DIPK1A: variants seen among roughly 807,000 people sequenced by gnomAD.
DIPK1A encodes the protein divergent protein kinase domain 1A.
Under a neutral mutation model 40.8 loss-of-function variants are expected in DIPK1A, and 27 were observed. The observed-to-expected ratio is 0.66, with a 90% CI of 0.49 to 0.91. The LOEUF is 0.91. Ranked by LOEUF, DIPK1A falls within the 40% of genes least tolerant of loss-of-function variation. DIPK1A has a pLI of 0.00. For synonymous variants in DIPK1A, 166 were observed against 171.3 expected, an observed-to-expected ratio of 0.97 and a Z score of 0.24; for missense variants, 412 against 505.7, an observed-to-expected ratio of 0.81 and a Z score of 1.78.
chr1:92,960,784 G>T (rs945630), intron 1 of DIPK1A, among the ~76,000 whole-genome samples: 21,621 of 152,184 alleles, frequency 0.14, 1,839 homozygotes, highest in South Asian at 0.24. Context: ...TTTAAATCTT[G>T]GGTGTGATGG....
chr1:92,932,639 ATT>A (rs1650797672), intron 1 of DIPK1A: 1 of 152,162 alleles, frequency 6.6e-6, no homozygotes, highest in African/African-American at 2.4e-5. Context: ...TTAGAAAATT[ATT>A]TGTCAGACAT....
chr1:92,876,267 T>C (rs1293786383), intron 2 of DIPK1A, 29 bp downstream of exon 2: 20 of 1,415,080 alleles, frequency 1.4e-5, no homozygotes, highest in Middle Eastern at 3.9e-4. Flanking sequence ...AAGAGGCTTT[T>C]TAGTAAACAG....
intron 4 of DIPK1A, chr1:92,834,864 T>C (rs553146536): frequency 3.1e-6 from 5 of 1,605,864 alleles, no homozygotes; most frequent in South Asian, 1.1e-5. Flanking sequence ...AAGGTTGGCC[T>C]GACAAATTAT....
intron 1 of DIPK1A, among the ~76,000 whole-genome samples, chr1:92,885,563 C>G (rs554449166): frequency 1.3e-5 from 2 of 152,182 alleles, no homozygotes; most frequent in Non-Finnish European, 2.9e-5. Flanking sequence ...GCCATGTTGG[C>G]CAGGTTGGTC....
chr1:92,938,206 C>T (rs1651016188), intron 1 of DIPK1A, among the ~76,000 whole-genome samples: 1 of 151,572 alleles, frequency 6.6e-6, no homozygotes, highest in Admixed American at 6.6e-5. Context: ...TGGTGGTGCA[C>T]ACCTGTAGTC....
At chr1:92,927,137 C>T (rs1236485169) in intron 1 of DIPK1A, among the ~76,000 whole-genome samples, 1 of 152,066 alleles carries the variant, frequency 6.6e-6, no homozygotes, top group African/African-American at 2.4e-5. Context: ...AAATATAACT[C>T]ATATACCATA....
intron 4 of DIPK1A, chr1:92,846,688 G>GCA: frequency 9.2e-6 from 3 of 325,184 alleles, no homozygotes; most frequent in Non-Finnish European, 1.8e-5. Context: ...GAGTGCAGTG[G>GCA]TGAGATCTTG....
chr1:92,955,285 C>T (rs2100920721), intron 1 of DIPK1A, among the ~76,000 whole-genome samples: 1 of 152,284 alleles, frequency 6.6e-6, no homozygotes, highest in South Asian at 2.1e-4. Flanking sequence ...TTTATCCAAA[C>T]ACACTGAATG....
At chr1:92,918,851 A>C (rs867675753) in intron 1 of DIPK1A, among the ~76,000 whole-genome samples, 6 of 152,180 alleles carry the variant, frequency 3.9e-5, no homozygotes, top group African/African-American at 1.4e-4. Flanking sequence ...TTAGATTTTC[A>C]TAAGAAGGGG....
chr1:92,853,000 C>A (rs911101878), intron 2 of DIPK1A, among the ~76,000 whole-genome samples: 1 of 152,100 alleles, frequency 6.6e-6, no homozygotes. Flanking sequence ...CAAGATCACA[C>A]GACTGTACTC....
chr1:92,935,206 C>T (rs1303575858), intron 1 of DIPK1A, among the ~76,000 whole-genome samples: 2 of 152,172 alleles, frequency 1.3e-5, no homozygotes, highest in Non-Finnish European at 2.9e-5. Flanking sequence ...TATTGAGCAA[C>T]ACTACTGTCT....
intron 1 of DIPK1A, among the ~76,000 whole-genome samples, chr1:92,947,553 T>C (rs1209282200): frequency 6.6e-6 from 1 of 152,168 alleles, no homozygotes; most frequent in South Asian, 2.1e-4. Flanking sequence ...TCAAAAAAAC[T>C]ACAAACAGAA....
chr1:92,913,374 T>G (rs969705243), intron 1 of DIPK1A, among the ~76,000 whole-genome samples: 4 of 129,924 alleles, frequency 3.1e-5, no homozygotes, highest in Admixed American at 7.6e-5. Context: ...TACCATGATG[T>G]GAAAAAAAAA....
At chr1:92,851,562 A>AAAAAAAAAAC (rs1687826700) in intron 2 of DIPK1A, among the ~76,000 whole-genome samples, 2 of 92,734 alleles carry the variant, frequency 2.2e-5, no homozygotes, top group Non-Finnish European at 4.7e-5. Context: ...AAAAAAAAAA[A>AAAAAAAAAAC]CTTCTGGTTT....
chr1:92,912,310 C>T (rs920903780), intron 1 of DIPK1A, among the ~76,000 whole-genome samples: 1 of 152,050 alleles, frequency 6.6e-6, no homozygotes, highest in African/African-American at 2.4e-5. Context: ...CACAGACTAA[C>T]TTAACACTAA....
chr1:92,877,585 A>G (rs1648185211), intron 1 of DIPK1A, among the ~76,000 whole-genome samples: 1 of 152,214 alleles, frequency 6.6e-6, no homozygotes, highest in African/African-American at 2.4e-5. Context: ...TATCTTTGTG[A>G]GGTTAACAGA....
chr1:92,894,954 A>G (rs9439940), intron 1 of DIPK1A, among the ~76,000 whole-genome samples: 103,809 of 151,714 alleles, frequency 0.68, 36,100 homozygotes, highest in East Asian at 0.95. Context: ...ACTAAACCAG[A>G]AAGAAGTTGA....
At position 92,842,643 on chromosome 1, in the gene DIPK1A, G is replaced by T; in HGVS notation, c.*740C>A. The T allele has an allele frequency of 1.0e-6, 1 of 985,322 alleles. No homozygotes were observed. The highest frequency in any genetic ancestry group is 1.2e-6 in the Non-Finnish European group (1 of 829,850). The allele number at this position is 985,322 out of a possible 1,614,324, so 61.0% of individuals were successfully genotyped here. On this transcript the variant is annotated 3_prime_UTR_variant, in exon 5 of 5. Transcript: ENST00000370310. The stretch of plus-strand genomic sequence containing the variant: ...CCACTTTCACATAGTTCAAAATCAG[G>T]ATATGTGGATCTTGATTGGGCCTTA...
chr1:92,862,859 A>G (rs1273694699), intron 2 of DIPK1A, among the ~76,000 whole-genome samples: 2 of 152,154 alleles, frequency 1.3e-5, no homozygotes, highest in Non-Finnish European at 2.9e-5. Flanking sequence ...AGCTTTGCAC[A>G]TGCCTCCTTC....
Sources: gnomAD v4.1 joint callset for allele counts (sites outside exome capture counted in the v4.1 genomes callset) on GRCh38, gnomAD v4.1.1 for gene constraint, MANE v1.5 for transcripts, NCBI Gene and HGNC (gene_info 2026-07-23, HGNC 2026-07-21) for gene names.